TRIB3: variants seen among roughly 807,000 people sequenced by gnomAD.
TRIB3 encodes the protein tribbles homolog 3.
TRIB3 carries 20 observed loss-of-function variants against 16.6 expected under a neutral mutation model. The observed-to-expected ratio is 1.20, with a 90% CI of 0.85 to 1.75. The LOEUF is 1.75. Among genes scored for constraint, TRIB3 ranks in the 40% most tolerant of loss-of-function variants. TRIB3 has a pLI of 0.00. For synonymous variants in TRIB3, 208 were observed against 217.0 expected, an observed-to-expected ratio of 0.96 and a Z score of 0.36; for missense variants, 484 against 488.9, an observed-to-expected ratio of 0.99 and a Z score of 0.10.
rs2122679333 is a variant in TRIB3 at position 387,900 on chromosome 20, CA to C, written c.1-110del. 3 of 1,283,426 alleles carry C rather than the reference CA, an allele frequency of 2.3e-6. No homozygotes were observed. The East Asian group carries it at 7.2e-5, about 31-fold the overall frequency. 79.5% of individuals were successfully genotyped at this position (1,283,426 alleles called of 1,614,324 possible). A position where few individuals can be genotyped will look rare whatever the true frequency, so the allele number is the denominator to read the frequency against. On this transcript the variant is annotated intron_variant, in intron 1 of 3. Transcript: ENST00000217233. ...TATGTGACTTTGTCATTTTAACACACACTGCCAGATCACCCCCTATAAATGT... is the reference window on the plus strand; with the variant it reads ...TATGTGACTTTGTCATTTTAACACACCTGCCAGATCACCCCCTATAAATGT...
Position 392,939 on chromosome 20 carries a change from T to C in TRIB3, c.584+1360T>C, listed in dbSNP as rs558710994. ...GCCTCCTGTTCCCTCTCCAGATTCC[T>C]GGGGGCAGTCAAGATGTGTCAGGGA... is the stretch of plus-strand genomic sequence containing the variant. On this transcript the variant is annotated intron_variant, in intron 3 of 3. Coordinates refer to ENST00000217233, the MANE Select transcript of TRIB3 (RefSeq NM_021158.5). 9.2e-5 allele frequency among the ~76,000 whole-genome samples: 14 copies of C among 152,264 alleles called. No homozygotes were observed. In the East Asian group the frequency reaches 2.5e-3, roughly 27 times the overall value.
intron 2 of TRIB3, among the ~76,000 whole-genome samples, chr20:391,001 C>CAAAAAA (rs11374668): frequency 1.6e-4 from 14 of 85,764 alleles, no homozygotes; most frequent in South Asian, 7.5e-4. Context: ...GACTCCGTCT[C>CAAAAAA]AAAAAAAAAA....
In TRIB3 at chr20:394,403, G is replaced by T. The variant is rs35559145; in HGVS notation, c.585-1795G>T. On this transcript the variant is annotated intron_variant, in intron 3 of 3. Coordinates refer to ENST00000217233, the MANE Select transcript of TRIB3 (RefSeq NM_021158.5). ...TTAAAGAAGTAACATTTATAATGATGTTTAAGCTAGTACATAACTTCAAAC... is the reference window on the plus strand; with the variant it reads ...TTAAAGAAGTAACATTTATAATGATTTTTAAGCTAGTACATAACTTCAAAC... 8.6e-3 allele frequency among the ~76,000 whole-genome samples: 1,310 copies of T among 152,270 alleles called. 11 individuals carry two copies. Among genetic ancestry groups the T allele is most frequent in the Middle Eastern group, 0.02 (6 of 294 alleles).
intron 3 of TRIB3, among the ~76,000 whole-genome samples, chr20:392,705 C>T (rs2015014827): frequency 6.6e-6 from 1 of 151,742 alleles, no homozygotes; most frequent in Admixed American, 6.6e-5. Context: ...TACAGGCATG[C>T]GCCACCATGC....
At chr20:385,152 G>A (rs943209501) in intron 1 of TRIB3, among the ~76,000 whole-genome samples, 12 of 152,032 alleles carry the variant, frequency 7.9e-5, no homozygotes, top group East Asian at 3.9e-4. Context: ...CACTCTTGTC[G>A]CCCAGGCCGG....
At position 388,154 on chromosome 20, in the gene TRIB3, G is replaced by T; in HGVS notation, c.144G>T (p.Leu48Phe). Residue 48 changes from leucine (L) to phenylalanine (F), a missense_variant, in exon 2 of 4, where the codon TTG becomes TTT. Transcript: ENST00000217233. ...GPQPRLPPCL[L>F]PLSPPTAPDR... is the part of the protein sequence containing the mutation. Reference sequence around the variant, plus strand: ...AGCCCAGACTGCCCCCCTGCCTGTTGCCCCTGAGCCCACCTACTGCTCCAG... The same window carrying T: ...AGCCCAGACTGCCCCCCTGCCTGTTTCCCCTGAGCCCACCTACTGCTCCAG... 1 of 1,614,076 alleles carries T rather than the reference G, an allele frequency of 6.2e-7. No homozygotes were observed. The highest frequency in any genetic ancestry group is 8.5e-7 in the Non-Finnish European group (1 of 1,180,034).
At chr20:391,189 C>T in intron 2 of TRIB3, 98 bp from the exon 3 acceptor site, 1 of 1,347,186 alleles carries the variant, frequency 7.4e-7, no homozygotes, top group Non-Finnish European at 1.0e-6. Flanking sequence ...CGATGCCTAG[C>T]ACATGGTAGT....
chr20:394,109 C>T (rs1309825596), intron 3 of TRIB3, among the ~76,000 whole-genome samples: 2 of 150,718 alleles, frequency 1.3e-5, no homozygotes, highest in African/African-American at 4.9e-5. Flanking sequence ...CGGCTCACTG[C>T]AACCTCCACC....
At chr20:391,243 TC>T in intron 2 of TRIB3, 43 bp from the exon 3 acceptor site, 1 of 1,583,728 alleles carries the variant, frequency 6.3e-7, no homozygotes. Context: ...CAGCCTCAGC[TC>T]CCGGGAGTCC....
intron 1 of TRIB3, chr20:382,700 T>TAAAGTGGGAACAGGA: frequency 2.0e-6 from 2 of 992,068 alleles, no homozygotes; most frequent in Non-Finnish European, 3.1e-6. Flanking sequence ...TTGCATCCTG[T>TAAAGTGGGAACAGGA]TCCCACTTTA....
intron 2 of TRIB3, among the ~76,000 whole-genome samples, chr20:389,177 A>C (rs1187954843): frequency 1.3e-5 from 2 of 152,152 alleles, no homozygotes; most frequent in Admixed American, 1.3e-4. Flanking sequence ...GACACAACCA[A>C]TGAGGTGGTT....
chr20:382,838 C>T (rs759704074), intron 1 of TRIB3, among the ~76,000 whole-genome samples: 3 of 152,224 alleles, frequency 2.0e-5, no homozygotes, highest in Non-Finnish European at 4.4e-5. Context: ...TCTTACCAAG[C>T]CAAAGTCATG....
intron 2 of TRIB3, among the ~76,000 whole-genome samples, chr20:390,220 C>T (rs1477888783): frequency 6.6e-6 from 1 of 151,866 alleles, no homozygotes. Context: ...CCCAGCTACT[C>T]GAGAGGCTGA....
Position 388,110 on chromosome 20 carries a change from C to A in TRIB3, c.100C>A (p.Arg34=), listed in dbSNP as rs1404852588. Residue 34 remains arginine (R), a synonymous_variant, in exon 2 of 4, where the codon CGA becomes AGA. Transcript: ENST00000217233. ...NLDTERPVQK[R]ARSGPQPRLP... is the part of the protein sequence containing the mutation. The stretch of plus-strand genomic sequence containing the variant: ...AGATACCGAGCGTCCCGTCCAGAAA[C>A]GAGCTCGAAGTGGGCCCCAGCCCAG... 2 of 1,614,024 alleles carry A rather than the reference C, an allele frequency of 1.2e-6. No individual in the cohort carries two copies. Among genetic ancestry groups the A allele is most frequent in the Non-Finnish European group, 1.7e-6 (2 of 1,180,038 alleles).
chr20:386,575 AT>A (rs557800506), intron 1 of TRIB3, among the ~76,000 whole-genome samples: 2 of 148,572 alleles, frequency 1.3e-5, no homozygotes, highest in African/African-American at 2.5e-5. Context: ...CGCCCGGCTA[AT>A]TTTTTTTTTC....
chr20:392,083 C>T (rs763089670), intron 3 of TRIB3, among the ~76,000 whole-genome samples: 1 of 151,908 alleles, frequency 6.6e-6, no homozygotes, highest in Non-Finnish European at 1.5e-5. Context: ...TGGGATGGAG[C>T]ACTGAGATGT....
At chr20:391,140 G>GT in intron 2 of TRIB3, 147 bp from the exon 3 acceptor site, 1 of 879,710 alleles carries the variant, frequency 1.1e-6, no homozygotes, top group Non-Finnish European at 1.8e-6. Flanking sequence ...ATAGGACCAT[G>GT]GTCAGGGCTG....
At chr20:393,122 T>G (rs1387482842) in intron 3 of TRIB3, among the ~76,000 whole-genome samples, 1 of 95,914 alleles carries the variant, frequency 1.0e-5, no homozygotes, top group Admixed American at 9.3e-5. Context: ...ACCAGTGCTC[T>G]CCAATGTTAA....
In TRIB3 at chr20:384,404, C is replaced by A. The variant is rs180734457; in HGVS notation, c.-1+3235C>A. Among the ~76,000 whole-genome samples, 186 of 152,062 alleles carry A rather than the reference C, an allele frequency of 1.2e-3. 2 individuals are homozygous for A. Among genetic ancestry groups the A allele is most frequent in the Admixed American group, 9.3e-3 (142 of 15,268 alleles). On this transcript the variant is annotated intron_variant, in intron 1 of 3. Coordinates refer to ENST00000217233, the MANE Select transcript of TRIB3 (RefSeq NM_021158.5). ...TTTTGAGACAGAGTCTTGCTCTGTC[C>A]CCAGGCTGGAGTGCAGTGGCGAGAT... is the stretch of plus-strand genomic sequence containing the variant.
Sources: gnomAD v4.1 joint callset for allele counts (sites outside exome capture counted in the v4.1 genomes callset) on GRCh38, gnomAD v4.1.1 for gene constraint, MANE v1.5 for transcripts, NCBI Gene and HGNC (gene_info 2026-07-23, HGNC 2026-07-21) for gene names.